The following PDE4B variants were observed in gnomAD, a reference collection of about 807,000 sequenced individuals.
PDE4B encodes phosphodiesterase 4B.
A neutral mutation model predicts 82.2 loss-of-function variants in PDE4B; 20 were observed. The observed-to-expected ratio is 0.24, with a 90% CI of 0.17 to 0.35. The LOEUF (loss-of-function observed/expected upper bound fraction) is 0.35, where lower values mean the gene tolerates loss of function less well. PDE4B is among the 10% of genes least tolerant of loss of function. The pLI, the probability that PDE4B is intolerant of heterozygous loss-of-function variation, is 1.00. For missense variants in PDE4B, 655 were observed against 907.2 expected (o/e 0.72, Z 3.57); for synonymous variants, 320 against 318.9 (o/e 1.00, Z -0.04).
At chr1:66,370,382 A>G (rs2050701712) in intron 16 of PDE4B, among the ~76,000 whole-genome samples, 2 of 152,158 alleles carry the variant, frequency 1.3e-5, no homozygotes, top group South Asian at 4.1e-4. Context: ...CATTTTCCAT[A>G]CATTATCTTA....
intron 1 of PDE4B, among the ~76,000 whole-genome samples, chr1:65,888,376 A>G (rs1169290164): frequency 1.3e-5 from 2 of 152,148 alleles, no homozygotes; most frequent in African/African-American, 2.4e-5. Context: ...GAAGTCAGGT[A>G]ATGTGGTGCC....
chr1:66,159,269 G>A (rs1399592451), intron 3 of PDE4B, among the ~76,000 whole-genome samples: 1 of 149,796 alleles, frequency 6.7e-6, no homozygotes, highest in Non-Finnish European at 1.5e-5. Context: ...TTGAGAAAGA[G>A]CCTCACTCTG....
At chr1:66,008,938 A>T (rs1266757287) in intron 3 of PDE4B, among the ~76,000 whole-genome samples, 1 of 152,078 alleles carries the variant, frequency 6.6e-6, no homozygotes, top group Non-Finnish European at 1.5e-5. Flanking sequence ...TAGGCCAAGT[A>T]TCTCAATCTA....
rs557993690 is a variant in PDE4B at position 66,221,437 on chromosome 1, G to A, written c.282-26023G>A. Among the ~76,000 whole-genome samples, 4 of 152,090 alleles carry A rather than the reference G, an allele frequency of 2.6e-5. No individual in the cohort carries two copies. In the East Asian group the frequency reaches 7.7e-4, roughly 29 times the overall value. On this transcript the variant is annotated intron_variant, in intron 3 of 16. Coordinates refer to ENST00000341517, the MANE Select transcript of PDE4B (RefSeq NM_002600.4). Reference sequence around the variant, plus strand: ...GTTAAAAATGGGAATTGAATGCCCAGCAACCAAAAAAATAAATCCATGGTA... The same window carrying A: ...GTTAAAAATGGGAATTGAATGCCCAACAACCAAAAAAATAAATCCATGGTA...
At chr1:65,950,649 G>A (rs1648946257) in intron 3 of PDE4B, among the ~76,000 whole-genome samples, 1 of 152,064 alleles carries the variant, frequency 6.6e-6, no homozygotes, top group African/African-American at 2.4e-5. Flanking sequence ...AAAGAGGCTG[G>A]CCTTGTGTAT....
At chr1:65,952,542 G>A (rs2100574855) in intron 3 of PDE4B, among the ~76,000 whole-genome samples, 1 of 152,080 alleles carries the variant, frequency 6.6e-6, no homozygotes, top group African/African-American at 2.4e-5. Flanking sequence ...AATTAGCCAG[G>A]CATGGTGGTG....
rs190362341 is a variant in PDE4B, at chr1:66,268,133, C to T, written c.634+2046C>T. On this transcript the variant is annotated intron_variant, in intron 7 of 16. Coordinates refer to ENST00000341517, the MANE Select transcript of PDE4B (RefSeq NM_002600.4). ...CAATTTAAACAGATTTAGCAACAAC[C>T]TAGTTTGCTCAGAAAGCCTGACTTA... 2.0e-5 allele frequency among the ~76,000 whole-genome samples: 3 copies of T among 152,152 alleles called. No homozygotes were observed. The East Asian group carries it at 5.8e-4, about 29-fold the overall frequency.
At chr1:66,352,213 G>C (rs377167423) in intron 8 of PDE4B, among the ~76,000 whole-genome samples, 19 of 152,142 alleles carry the variant, frequency 1.2e-4, no homozygotes, top group East Asian at 9.6e-4. Flanking sequence ...GCCATGTTGT[G>C]TGTTTTATGG....
intron 3 of PDE4B, among the ~76,000 whole-genome samples, chr1:66,219,395 G>C (rs1650774349): frequency 6.6e-6 from 1 of 152,148 alleles, no homozygotes; most frequent in African/African-American, 2.4e-5. Flanking sequence ...CAACTTTATA[G>C]TTGATACAAA....
At chr1:66,073,015 C>CTT (rs35522900) in intron 3 of PDE4B, among the ~76,000 whole-genome samples, 1,534 of 147,022 alleles carry the variant, frequency 0.01, 28 homozygotes, top group African/African-American at 0.035. Context: ...GCCTTTAGCC[C>CTT]TTTTTTTTTT....
At chr1:66,138,547 G>T (rs1646106997) in intron 3 of PDE4B, among the ~76,000 whole-genome samples, 2 of 152,064 alleles carry the variant, frequency 1.3e-5, no homozygotes, top group Admixed American at 6.6e-5. Context: ...CAAAAGAAAA[G>T]TAATAATATG....
At chr1:66,285,867 G>T (rs1419483089) in intron 7 of PDE4B, among the ~76,000 whole-genome samples, 1 of 152,122 alleles carries the variant, frequency 6.6e-6, no homozygotes. Flanking sequence ...TGTTGACAAT[G>T]AAGCCAAACT....
intron 3 of PDE4B, among the ~76,000 whole-genome samples, chr1:66,005,521 G>A (rs866096513): frequency 6.6e-6 from 1 of 152,010 alleles, no homozygotes; most frequent in Non-Finnish European, 1.5e-5. Flanking sequence ...TGTGTCACTT[G>A]GCAACTTAAA....
intron 3 of PDE4B, among the ~76,000 whole-genome samples, chr1:66,002,556 TA>T (rs913650409): frequency 2.6e-5 from 4 of 151,774 alleles, no homozygotes; most frequent in Admixed American, 1.3e-4. Context: ...GAAGTTTTTT[TA>T]AAAAAATAAA....
At chr1:66,229,782 T>C (rs889397718) in intron 3 of PDE4B, among the ~76,000 whole-genome samples, 4 of 152,142 alleles carry the variant, frequency 2.6e-5, no homozygotes, top group Non-Finnish European at 1.5e-5. Context: ...AACTTCTAAA[T>C]CTTTATACAT....
intron 3 of PDE4B, among the ~76,000 whole-genome samples, chr1:66,029,770 G>A (rs1298516638): frequency 6.6e-6 from 1 of 152,042 alleles, no homozygotes; most frequent in Non-Finnish European, 1.5e-5. Flanking sequence ...ATGCAATAAT[G>A]AAATATTTTA....
chr1:65,901,086 G>T (rs1646967262), intron 1 of PDE4B, among the ~76,000 whole-genome samples: 1 of 151,912 alleles, frequency 6.6e-6, no homozygotes, highest in Non-Finnish European at 1.5e-5. Flanking sequence ...TGTTGGCTGT[G>T]GGTTTTTCAT....
At chr1:65,862,492 A>G (rs1646465266) in intron 1 of PDE4B, among the ~76,000 whole-genome samples, 1 of 152,002 alleles carries the variant, frequency 6.6e-6, no homozygotes, top group Non-Finnish European at 1.5e-5. Context: ...TTCATCAGGG[A>G]TATTGGCCTG....
intron 3 of PDE4B, among the ~76,000 whole-genome samples, chr1:66,039,014 A>G (rs540000275): frequency 6.6e-6 from 1 of 152,184 alleles, no homozygotes; most frequent in East Asian, 1.9e-4. Context: ...ACTCCCCCAG[A>G]ATCCCACAGA....
Sources: gnomAD v4.1 joint callset for allele counts (sites outside exome capture counted in the v4.1 genomes callset) on GRCh38, gnomAD v4.1.1 for gene constraint, MANE v1.5 for transcripts, NCBI Gene and HGNC (gene_info 2026-07-23, HGNC 2026-07-21) for gene names.